The following LRP1B variants were observed in gnomAD, a reference collection of about 807,000 sequenced individuals.
LRP1B encodes the protein LDL receptor related protein 1B, also known as low-density lipoprotein receptor-related protein 1B.
LRP1B carries 217 observed loss-of-function variants against 556.6 expected under a neutral mutation model. That is an observed-to-expected ratio of 0.39 (90% confidence interval 0.35 to 0.44). The LOEUF is 0.44. Ranked by LOEUF, LRP1B falls within the 20% of genes least tolerant of loss-of-function variation. The pLI is 1.00. For missense variants in LRP1B, 5,053 were observed against 5,620.8 expected (o/e 0.90, Z 3.23); for synonymous variants, 2,047 against 1,865.8 (o/e 1.10, Z -2.50).
chr2:141,006,128 C>T (rs1030576876), intron 14 of LRP1B, among the ~76,000 whole-genome samples: 1 of 151,828 alleles, frequency 6.6e-6, no homozygotes, highest in Non-Finnish European at 1.5e-5. Flanking sequence ...TGTGAGGCAC[C>T]CTTGCAGACT....
chr2:142,064,849 T>G (rs755826412), intron 1 of LRP1B, among the ~76,000 whole-genome samples: 16 of 151,602 alleles, frequency 1.1e-4, no homozygotes, highest in Non-Finnish European at 2.4e-4. Context: ...ATAAGAAAGG[T>G]TGGCATAAGG....
At chr2:140,598,352 C>T (rs1277442200) in intron 43 of LRP1B, among the ~76,000 whole-genome samples, 3 of 152,126 alleles carry the variant, frequency 2.0e-5, no homozygotes, top group Admixed American at 2.0e-4. Flanking sequence ...CTAACAATTC[C>T]AGTTCTATTA....
At chr2:141,153,572 ATAATATAT>A (rs61518670) in intron 7 of LRP1B, among the ~76,000 whole-genome samples, 2,340 of 131,864 alleles carry the variant, frequency 0.018, 76 homozygotes, top group African/African-American at 0.063. Context: ...TTTATATATA[ATAATATAT>A]TATATATTAG....
intron 1 of LRP1B, among the ~76,000 whole-genome samples, chr2:141,927,933 G>GAA (rs796539501): frequency 1.8e-3 from 231 of 126,886 alleles, no homozygotes; most frequent in African/African-American, 6.2e-3. Flanking sequence ...AAGAAAGAAA[G>GAA]AAAAAAAAAA....
chr2:140,328,718 ATGTC>A (rs1231933782), intron 79 of LRP1B, among the ~76,000 whole-genome samples: 4 of 152,100 alleles, frequency 2.6e-5, no homozygotes, highest in African/African-American at 9.7e-5. Context: ...ACATACCATT[ATGTC>A]AAATTTATTT....
At chr2:140,322,961 C>A (rs139178365) in intron 81 of LRP1B, among the ~76,000 whole-genome samples, 5 of 151,956 alleles carry the variant, frequency 3.3e-5, no homozygotes, top group East Asian at 3.9e-4. Context: ...AACCTTGGAA[C>A]CTTATATGCC....
At chr2:140,948,545 A>T (rs1261395549) in intron 20 of LRP1B, among the ~76,000 whole-genome samples, 1 of 152,232 alleles carries the variant, frequency 6.6e-6, no homozygotes. Context: ...ATGAGAGATA[A>T]TATTAAATGG....
chr2:141,376,871 G>C (rs1573875181), intron 3 of LRP1B, among the ~76,000 whole-genome samples: 1 of 152,130 alleles, frequency 6.6e-6, no homozygotes. Context: ...AATCAGAGTA[G>C]ATAATAAAAA....
At chr2:141,048,463 A>G (rs1698943164) in intron 11 of LRP1B, among the ~76,000 whole-genome samples, 1 of 152,146 alleles carries the variant, frequency 6.6e-6, no homozygotes, top group Non-Finnish European at 1.5e-5. Context: ...AAATAGATAT[A>G]AATGTTTTAA....
intron 46 of LRP1B, 92 bp from the exon 47 acceptor site, chr2:140,534,232 C>A: frequency 2.6e-6 from 3 of 1,173,184 alleles, no homozygotes; most frequent in Non-Finnish European, 3.6e-6. Flanking sequence ...TTCATAATGA[C>A]TGGATTATGG....
At chr2:141,947,824 A>AAC (rs1553489522) in intron 1 of LRP1B, among the ~76,000 whole-genome samples, 1 of 149,106 alleles carries the variant, frequency 6.7e-6, no homozygotes, top group Non-Finnish European at 1.5e-5. Context: ...CAGAAAAAAA[A>AAC]AACAACAATA....
intron 2 of LRP1B, among the ~76,000 whole-genome samples, chr2:141,765,558 T>C (rs1694706753): frequency 6.6e-6 from 1 of 152,110 alleles, no homozygotes; most frequent in African/African-American, 2.4e-5. Flanking sequence ...CTAAGTGATA[T>C]CTGGAAAAAA....
chr2:140,751,884 T>C (rs1356315904), intron 35 of LRP1B, among the ~76,000 whole-genome samples: 2 of 152,166 alleles, frequency 1.3e-5, no homozygotes, highest in South Asian at 4.2e-4. Context: ...AGAAAAGTTA[T>C]TACTAAACAC....
intron 1 of LRP1B, among the ~76,000 whole-genome samples, chr2:142,071,745 T>C (rs1001138494): frequency 2.6e-5 from 4 of 152,056 alleles, no homozygotes; most frequent in Non-Finnish European, 5.9e-5. Context: ...GGCTCCCTTC[T>C]CTTCTTTCTC....
At chr2:140,541,377 G>C (rs1276002524) in intron 44 of LRP1B, among the ~76,000 whole-genome samples, 1 of 152,038 alleles carries the variant, frequency 6.6e-6, no homozygotes, top group Admixed American at 6.6e-5. Context: ...AATTTTGTAA[G>C]CACTGCATTG....
chr2:140,990,085 T>C (rs1389841836), intron 16 of LRP1B, among the ~76,000 whole-genome samples: 2 of 151,978 alleles, frequency 1.3e-5, no homozygotes, highest in African/African-American at 4.8e-5. Context: ...CGCATGCCTG[T>C]AATCCCAGCT....
chr2:141,437,959 A>G (rs58825211), intron 3 of LRP1B, among the ~76,000 whole-genome samples: 2,582 of 152,160 alleles, frequency 0.017, 75 homozygotes, highest in African/African-American at 0.059. Flanking sequence ...ATATTATATG[A>G]GTTTTACAAA....
chr2:141,778,206 A>C (rs1038646687), intron 2 of LRP1B, among the ~76,000 whole-genome samples: 8 of 152,354 alleles, frequency 5.3e-5, no homozygotes, highest in Admixed American at 2.0e-4. Flanking sequence ...CACTAGGATG[A>C]ATAAGAATAG....
intron 2 of LRP1B, among the ~76,000 whole-genome samples, chr2:141,650,669 T>C (rs567463645): frequency 1.3e-5 from 2 of 152,256 alleles, no homozygotes; most frequent in African/African-American, 4.8e-5. Flanking sequence ...AAAGAACATT[T>C]GATGTTAGAA....
Sources: gnomAD v4.1 joint callset for allele counts (sites outside exome capture counted in the v4.1 genomes callset) on GRCh38, gnomAD v4.1.1 for gene constraint, MANE v1.5 for transcripts, NCBI Gene and HGNC (gene_info 2026-07-23, HGNC 2026-07-21) for gene names.